The following DOCK11 variants were observed in gnomAD, a reference collection of about 807,000 sequenced individuals.
The protein encoded by DOCK11 is dedicator of cytokinesis 11, also known as dedicator of cytokinesis protein 11.
Under a neutral mutation model 169.1 loss-of-function variants are expected in DOCK11, and 70 were observed. That is an observed-to-expected ratio of 0.41 (90% CI 0.34 to 0.51). The LOEUF is 0.51. Ranked by LOEUF, DOCK11 falls within the 20% of genes least tolerant of loss-of-function variation. The pLI, the probability that DOCK11 is intolerant of heterozygous loss-of-function variation, is 0.10. For synonymous variants in DOCK11, 529 were observed against 541.3 expected (o/e 0.98, Z 0.32); for missense variants, 1,166 against 1,538.8 (o/e 0.76, Z 4.05).
At chrX:118,568,837 A>G (rs1267715998) in intron 10 of DOCK11, among the ~76,000 whole-genome samples, 2 of 111,758 alleles carry the variant, frequency 1.8e-5, no homozygotes, top group African/African-American at 6.5e-5. Context: ...TTTAAGTATT[A>G]CAAATATTTT....
intron 1 of DOCK11, among the ~76,000 whole-genome samples, chrX:118,500,295 G>A (rs907344228): frequency 1.8e-5 from 2 of 110,876 alleles, no homozygotes; most frequent in African/African-American, 3.3e-5. Context: ...TGATCCGCCC[G>A]CCTCGGTCTC....
intron 1 of DOCK11, among the ~76,000 whole-genome samples, chrX:118,536,865 T>C (rs1345765087): frequency 9.0e-6 from 1 of 111,564 alleles, no homozygotes; most frequent in Non-Finnish European, 1.9e-5. Flanking sequence ...TGCCGGAAAT[T>C]GCATGCCCCC....
intron 18 of DOCK11, among the ~76,000 whole-genome samples, chrX:118,588,953 T>C (rs896628810): frequency 5.3e-5 from 6 of 112,580 alleles, no homozygotes; most frequent in Non-Finnish European, 1.1e-4. Flanking sequence ...CTCAGTCTTA[T>C]CTGATACAGC....
At chrX:118,678,559 G>A (rs775729020) in intron 48 of DOCK11, among the ~76,000 whole-genome samples, 2 of 108,615 alleles carry the variant, frequency 1.8e-5, no homozygotes, top group South Asian at 4.0e-4. Context: ...TGCAACCTCC[G>A]CCTCCTGGGT....
chrX:118,520,135 A>G (rs1045780806), intron 1 of DOCK11, among the ~76,000 whole-genome samples: 2 of 112,355 alleles, frequency 1.8e-5, no homozygotes, highest in African/African-American at 6.5e-5. Flanking sequence ...TGGGAAATGG[A>G]CTTAAGTTAC....
intron 24 of DOCK11, among the ~76,000 whole-genome samples, chrX:118,607,146 A>T: frequency 1.4e-5 from 1 of 72,543 alleles, no homozygotes. Flanking sequence ...GGTGGAGTCT[A>T]GCTCTGTTGC....
At chrX:118,545,922 T>C in intron 5 of DOCK11, 99 bp from the exon 6 acceptor site, 1 of 542,229 alleles carries the variant, frequency 1.8e-6, no homozygotes, top group African/African-American at 2.3e-5. Context: ...TATGTTTTAA[T>C]TAGGAAATGG....
intron 1 of DOCK11, among the ~76,000 whole-genome samples, chrX:118,496,428 C>T (rs2057537566): frequency 1.8e-5 from 2 of 112,748 alleles, no homozygotes; most frequent in African/African-American, 6.4e-5. Flanking sequence ...CACAAAGAGC[C>T]GGGGACAAGG....
In DOCK11 at chrX:118,654,785, A is replaced by C; in HGVS notation, c.4879A>C (p.Lys1627Gln). The change falls in exon 43 of 53, where the codon AAG becomes CAG. Residue 1627 changes from lysine to glutamine, a missense_variant. Physicochemically the swap from Lys to Gln is moderately conservative, Grantham distance 53. Transcript: ENST00000276202. Reference sequence around the variant, plus strand: ...GAAAACCTGGCTTGATAGCATGGCCAAGATTCATGTAAAAAATGGAGATTT... The same window carrying C: ...GAAAACCTGGCTTGATAGCATGGCCCAGATTCATGTAAAAAATGGAGATTT... ...LRKTWLDSMAKIHVKNGDFSE... is the reference protein window; with the variant it reads ...LRKTWLDSMAQIHVKNGDFSE... 4 of 1,211,879 alleles carry C rather than the reference A, an allele frequency of 3.3e-6. No homozygotes were observed. Among genetic ancestry groups the C allele is most frequent in the Non-Finnish European group, 4.5e-6 (4 of 895,579 alleles).
Position 118,566,091 on chromosome X carries a change from G to A in DOCK11, c.780G>A (p.Met260Ile). The A allele has an allele frequency of 8.3e-7, 1 of 1,210,012 alleles. No individual in the cohort carries two copies. Among genetic ancestry groups the A allele is most frequent in the Non-Finnish European group, 1.1e-6 (1 of 893,984 alleles). ...HYLAAETEQE[M>I]EEWLITLKKI... ...TGGCTGCTGAAACTGAGCAGGAAATGGAGGAATGGTTGATAACTTTGAAAA... is the reference window on the plus strand; with the variant it reads ...TGGCTGCTGAAACTGAGCAGGAAATAGAGGAATGGTTGATAACTTTGAAAA... Residue 260 changes from methionine to isoleucine, a missense_variant, in exon 8 of 53, where the codon ATG becomes ATA. By Grantham distance (10) the Met-to-Ile change is conservative (BLOSUM62 1). Transcript: ENST00000276202.
Position 118,573,913 on chromosome X carries a change from G to A in DOCK11, c.1284G>A (p.Leu428=). The A allele has an allele frequency of 1.7e-6, 2 of 1,211,660 alleles. No homozygotes were observed. The change falls in exon 12 of 53, where the codon CTG becomes CTA. Residue 428 remains leucine (L), a synonymous_variant. Transcript: ENST00000276202. ...DLNPPSVREM[L]WGSSTQLASD... is the part of the protein sequence containing the mutation. ...ATCCCCCATCTGTCCGTGAAATGCT[G>A]TGGGGCTCTTCAACCCAACTGGCCA... is the stretch of plus-strand genomic sequence containing the variant.
In DOCK11 at chrX:118,669,897, C is replaced by T. The variant is rs189445607; in HGVS notation, c.5077-1126C>T. ...CCCCTGACTTGTGGCTGCATCACTCCAGTCTCTGCCTCTGTAGTCTCATGG... is the reference window on the plus strand; with the variant it reads ...CCCCTGACTTGTGGCTGCATCACTCTAGTCTCTGCCTCTGTAGTCTCATGG... On this transcript the variant is annotated intron_variant, in intron 45 of 52. Coordinates refer to ENST00000276202, the MANE Select transcript of DOCK11 (RefSeq NM_144658.4). Among the ~76,000 whole-genome samples the T allele has an allele frequency of 4.5e-5, 5 of 111,622 alleles. No homozygotes were observed. In the East Asian group the frequency reaches 1.4e-3, roughly 32 times the overall value.
chrX:118,580,647 A>G (rs1325272556), intron 14 of DOCK11, among the ~76,000 whole-genome samples: 3 of 97,338 alleles, frequency 3.1e-5, no homozygotes, highest in African/African-American at 1.2e-4. Context: ...TTTGCTGTGC[A>G]TCAAAGACCC....
chrX:118,669,671 A>G (rs2016422025), intron 45 of DOCK11, among the ~76,000 whole-genome samples: 1 of 112,419 alleles, frequency 8.9e-6, no homozygotes, highest in South Asian at 3.7e-4. Context: ...TTCTGAGTAC[A>G]CAGAAACATT....
chrX:118,583,348 C>T (rs1399330391), intron 14 of DOCK11, among the ~76,000 whole-genome samples: 1 of 110,329 alleles, frequency 9.1e-6, no homozygotes, highest in Non-Finnish European at 1.9e-5. Context: ...TTGATGGGTA[C>T]AGCAAACCAC....
At chrX:118,540,226 A>G (rs141147412) in intron 1 of DOCK11, among the ~76,000 whole-genome samples, 4 of 110,875 alleles carry the variant, frequency 3.6e-5, no homozygotes, top group East Asian at 2.8e-4. Flanking sequence ...TGTTTTTGCA[A>G]TCTGTACTAG....
chrX:118,685,021 T>C (rs1462066866), intron 52 of DOCK11, among the ~76,000 whole-genome samples: 2 of 111,842 alleles, frequency 1.8e-5, no homozygotes. Flanking sequence ...CAATCTACTT[T>C]AAGCACAAGA....
chrX:118,616,095 C>A, intron 30 of DOCK11: 1 of 401,321 alleles, frequency 2.5e-6, no homozygotes, highest in Non-Finnish European at 3.6e-6. Context: ...TTATGAAATG[C>A]CTTCAGTTAT....
intron 24 of DOCK11, among the ~76,000 whole-genome samples, chrX:118,606,228 C>T (rs1232390417): frequency 9.1e-6 from 1 of 109,621 alleles, no homozygotes; most frequent in African/African-American, 3.3e-5. Flanking sequence ...CACCACCATG[C>T]CCGGTTAATT....
Sources: gnomAD v4.1 joint callset for allele counts (sites outside exome capture counted in the v4.1 genomes callset) on GRCh38, gnomAD v4.1.1 for gene constraint, MANE v1.5 for transcripts, NCBI Gene and HGNC (gene_info 2026-07-23, HGNC 2026-07-21) for gene names.